FSTL5: variants seen among roughly 807,000 people sequenced by gnomAD.
The protein encoded by FSTL5 is follistatin like 5.
A neutral mutation model predicts 89.1 loss-of-function variants in FSTL5; 62 were observed. The ratio of observed to expected loss-of-function variants is 0.70; its 90% CI spans 0.57 to 0.86. FSTL5 has a LOEUF of 0.86. Ranked by LOEUF, FSTL5 falls within the 40% of genes least tolerant of loss-of-function variation. FSTL5 has a pLI of 0.00. For synonymous variants in FSTL5, 383 were observed against 346.2 expected, an observed-to-expected ratio of 1.11 and a Z score of -1.18; for missense variants, 1,057 against 1,001.6, an observed-to-expected ratio of 1.06 and a Z score of -0.75.
At chr4:161,741,192 C>T (rs1308919234) in intron 6 of FSTL5, among the ~76,000 whole-genome samples, 1 of 152,052 alleles carries the variant, frequency 6.6e-6, no homozygotes, top group Non-Finnish European at 1.5e-5. Flanking sequence ...TCTTTGTAAA[C>T]GGCAGTTACA....
chr4:162,050,571 T>C (rs1174519303), intron 2 of FSTL5, among the ~76,000 whole-genome samples: 1 of 150,410 alleles, frequency 6.6e-6, no homozygotes, highest in Non-Finnish European at 1.5e-5. Flanking sequence ...CCTTTTCACC[T>C]TGAAAATCAC....
intron 2 of FSTL5, among the ~76,000 whole-genome samples, chr4:162,037,742 T>C (rs548562322): frequency 2.0e-5 from 3 of 151,930 alleles, no homozygotes; most frequent in East Asian, 3.9e-4. Flanking sequence ...AGAATGACAA[T>C]AGATTTGCAA....
chr4:161,527,664 T>C (rs1257260465), intron 10 of FSTL5, among the ~76,000 whole-genome samples: 2 of 151,854 alleles, frequency 1.3e-5, no homozygotes, highest in Non-Finnish European at 2.9e-5. Context: ...GGAGAGGATG[T>C]GGAGAAATAG....
At chr4:161,709,996 T>A (rs1738724000) in intron 6 of FSTL5, among the ~76,000 whole-genome samples, 1 of 152,056 alleles carries the variant, frequency 6.6e-6, no homozygotes, top group South Asian at 2.1e-4. Flanking sequence ...TGAGACAGGA[T>A]CTCCCTCTGT....
At chr4:162,100,053 G>A (rs1009581057) in intron 2 of FSTL5, among the ~76,000 whole-genome samples, 4 of 152,146 alleles carry the variant, frequency 2.6e-5, no homozygotes, top group Admixed American at 6.5e-5. Flanking sequence ...ATGATCCAGC[G>A]ATCATGCTCC....
chr4:161,667,967 A>G (rs571736576), intron 6 of FSTL5, among the ~76,000 whole-genome samples: 1 of 152,252 alleles, frequency 6.6e-6, no homozygotes, highest in Non-Finnish European at 1.5e-5. Flanking sequence ...TCACTTTAGG[A>G]AATTAAATAA....
At chr4:161,689,163 T>C (rs1240896785) in intron 6 of FSTL5, among the ~76,000 whole-genome samples, 3 of 152,168 alleles carry the variant, frequency 2.0e-5, no homozygotes, top group Non-Finnish European at 2.9e-5. Flanking sequence ...AACGTTTGCT[T>C]AAGAAAGCCC....
At chr4:161,471,822 T>G (rs1035565104) in intron 13 of FSTL5, among the ~76,000 whole-genome samples, 5 of 152,214 alleles carry the variant, frequency 3.3e-5, no homozygotes, top group African/African-American at 1.2e-4. Context: ...GTTATCCAAT[T>G]TGACAACATA....
chr4:161,862,147 T>C (rs1485946940), intron 4 of FSTL5, among the ~76,000 whole-genome samples: 1 of 152,228 alleles, frequency 6.6e-6, no homozygotes. Flanking sequence ...TTAACAAATA[T>C]TGTTTACTAA....
At chr4:161,954,088 A>G (rs1734966732) in intron 3 of FSTL5, among the ~76,000 whole-genome samples, 1 of 151,566 alleles carries the variant, frequency 6.6e-6, no homozygotes, top group African/African-American at 2.4e-5. Context: ...ATACTACAAA[A>G]TCCAGCTATT....
chr4:161,930,278 C>A (rs1415108096), intron 3 of FSTL5, among the ~76,000 whole-genome samples: 1 of 151,800 alleles, frequency 6.6e-6, no homozygotes, highest in Non-Finnish European at 1.5e-5. Context: ...AAACTAAATT[C>A]TTAGCTTTGG....
At chr4:161,996,434 C>T (rs1443959284) in intron 3 of FSTL5, among the ~76,000 whole-genome samples, 1 of 152,208 alleles carries the variant, frequency 6.6e-6, no homozygotes, top group East Asian at 1.9e-4. Flanking sequence ...GTTCTAACTC[C>T]TTCACCTATC....
chr4:161,625,879 G>C (rs1220356826), intron 7 of FSTL5, among the ~76,000 whole-genome samples: 1 of 152,064 alleles, frequency 6.6e-6, no homozygotes. Flanking sequence ...TGAGTGGTCT[G>C]GATAGAAGAT....
chr4:161,910,782 T>A (rs1456479986), intron 4 of FSTL5, among the ~76,000 whole-genome samples: 1 of 152,166 alleles, frequency 6.6e-6, no homozygotes, highest in East Asian at 1.9e-4. Context: ...AATCTAAACA[T>A]AGAAATAATT....
At chr4:161,485,777 GA>G (rs1313585200) in intron 12 of FSTL5, among the ~76,000 whole-genome samples, 2 of 151,442 alleles carry the variant, frequency 1.3e-5, no homozygotes, top group Admixed American at 6.6e-5. Flanking sequence ...TTGTCTTTTA[GA>G]AAAAAAAGAG....
chr4:162,151,606 A>T (rs1245385919), intron 1 of FSTL5, among the ~76,000 whole-genome samples: 1 of 152,210 alleles, frequency 6.6e-6, no homozygotes, highest in South Asian at 2.1e-4. Context: ...GTCACATTCT[A>T]TTTTCTGGAT....
chr4:161,695,052 A>C (rs573828997), intron 6 of FSTL5, among the ~76,000 whole-genome samples: 25 of 150,904 alleles, frequency 1.7e-4, no homozygotes, highest in South Asian at 2.1e-4. Flanking sequence ...TTTTTATTTT[A>C]TTTTTCTTTT....
intron 9 of FSTL5, among the ~76,000 whole-genome samples, chr4:161,538,954 G>A (rs968744506): frequency 6.6e-6 from 1 of 151,870 alleles, no homozygotes; most frequent in Non-Finnish European, 1.5e-5. Flanking sequence ...TAGTAGAGAT[G>A]GGGTTTCACC....
chr4:162,096,428 T>C (rs1342502602), intron 2 of FSTL5, among the ~76,000 whole-genome samples: 2 of 151,602 alleles, frequency 1.3e-5, no homozygotes, highest in African/African-American at 4.8e-5. Flanking sequence ...AATAGATATA[T>C]AATCAGAAAT....
Sources: allele counts gnomAD v4.1 joint callset (sites outside exome capture counted in the v4.1 genomes callset), GRCh38; gene constraint gnomAD v4.1.1; transcripts MANE v1.5; gene names NCBI Gene and HGNC (gene_info 2026-07-23, HGNC 2026-07-21).